The following LAMTOR5 variants were observed in gnomAD, a reference collection of about 807,000 sequenced individuals.
The protein encoded by LAMTOR5 is late endosomal/lysosomal adaptor, MAPK and MTOR activator 5.
In LAMTOR5, 8 loss-of-function variants were observed where a neutral mutation model predicts 12.1. The ratio of observed to expected loss-of-function variants is 0.66; its 90% CI spans 0.39 to 1.19. LAMTOR5 has a LOEUF of 1.19. LAMTOR5 is among the 50% of genes most tolerant of loss of function. The pLI is 0.01. For synonymous variants in LAMTOR5, 37 were observed against 41.9 expected, an observed-to-expected ratio of 0.88 and a Z score of 0.45; for missense variants, 110 against 112.8, an observed-to-expected ratio of 0.97 and a Z score of 0.11.
rs762857071 is a variant in LAMTOR5 at position 110,404,013 on chromosome 1, G to A, written c.121C>T (p.His41Tyr). The stretch of plus-strand genomic sequence containing the variant: ...GCTAGAACAGATATCACTCCAGCAT[G>A]CTCATCTGACAGGGTCCCGCGGCCT... ...LGCRGTLSDE[H>Y]AGVISVLAQQ... The change falls in exon 3 of 4, where the codon CAT becomes TAT. Residue 41 changes from histidine (H) to tyrosine (Y), a missense_variant. Physicochemically the swap from His to Tyr is moderately conservative, Grantham distance 83 (BLOSUM62 2). Coordinates refer to ENST00000602318, the MANE Select transcript of LAMTOR5 (RefSeq NM_001382293.1). The A allele has an allele frequency of 1.2e-6, 2 of 1,614,116 alleles. No homozygotes were observed. The highest frequency in any genetic ancestry group is 1.7e-6 in the Non-Finnish European group (2 of 1,180,010).
At chr1:110,401,936 G>GC (rs1663238667) in intron 3 of LAMTOR5, among the ~76,000 whole-genome samples, 1 of 152,242 alleles carries the variant, frequency 6.6e-6, no homozygotes, top group South Asian at 2.1e-4. Flanking sequence ...CAAAAAAAAG[G>GC]CTTTACTGGT....
At chr1:110,403,096 T>C (rs1663259935) in intron 3 of LAMTOR5, among the ~76,000 whole-genome samples, 1 of 152,262 alleles carries the variant, frequency 6.6e-6, no homozygotes. Flanking sequence ...AGGTGTGTAA[T>C]AGGGTGTACC....
At chr1:110,404,769 C>T (rs1332643298) in intron 2 of LAMTOR5, among the ~76,000 whole-genome samples, 1 of 152,116 alleles carries the variant, frequency 6.6e-6, no homozygotes, top group African/African-American at 2.4e-5. Context: ...CGTGATTAGG[C>T]CGGGTGTAGT....
At chr1:110,405,490 T>C (rs1269377007) in intron 2 of LAMTOR5, among the ~76,000 whole-genome samples, 2 of 151,986 alleles carry the variant, frequency 1.3e-5, no homozygotes, top group African/African-American at 2.4e-5. Context: ...TAAAAACATA[T>C]ATATATGTTT....
intron 2 of LAMTOR5, among the ~76,000 whole-genome samples, chr1:110,404,322 A>T (rs1445882270): frequency 1.3e-5 from 2 of 152,262 alleles, no homozygotes; most frequent in African/African-American, 4.8e-5. Flanking sequence ...ACTATGGCAG[A>T]GCATTTGGAT....
intron 3 of LAMTOR5, chr1:110,403,565 G>C (rs1235026331): frequency 5.7e-6 from 1 of 175,650 alleles, no homozygotes; most frequent in African/African-American, 2.4e-5. Flanking sequence ...AGTGACCCAT[G>C]ATCACACCAC....
chr1:110,407,673 C>A lies in LAMTOR5; in HGVS notation c.-53G>T, dbSNP rs147214807. The A allele has an allele frequency of 7.0e-3, 11,334 of 1,614,234 alleles. 62 individuals are homozygous for A. Among genetic ancestry groups the A allele is most frequent in the Non-Finnish European group, 7.5e-3 (8,888 of 1,180,040 alleles). On this transcript the variant is annotated 5_prime_UTR_variant, in exon 1 of 4. Transcript: ENST00000602318. ...ACCCAGCGGCACGGCACGTCCTTCT[C>A]CACCACAGGCCTCAGTCACTTGACG...
chr1:110,407,845 G>T (rs1272065480), upstream of LAMTOR5: 2 of 1,613,810 alleles, frequency 1.2e-6, no homozygotes, highest in Non-Finnish European at 8.5e-7. Flanking sequence ...TGACCGTCGA[G>T]GTGACCTGCA....
intron 2 of LAMTOR5, among the ~76,000 whole-genome samples, chr1:110,405,155 CTCAG>C (rs1663303278): frequency 6.8e-6 from 1 of 147,864 alleles, no homozygotes; most frequent in Non-Finnish European, 1.5e-5. Flanking sequence ...ACCTCTGTGT[CTCAG>C]TTTCTTTTTT....
chr1:110,401,469 A>G lies in LAMTOR5; in HGVS notation c.*54T>C. 6.4e-7 allele frequency: 1 copy of G among 1,560,698 alleles called. No homozygotes were observed. The highest frequency in any genetic ancestry group is 8.8e-7 in the Non-Finnish European group (1 of 1,137,888). On this transcript the variant is annotated 3_prime_UTR_variant, in exon 4 of 4. Transcript: ENST00000602318. Reference sequence around the variant, plus strand: ...ACTTTAGTAGTTCTATAAGGTAATTAACATAGGTAGGATCCAGTTCCTATG... The same window carrying G: ...ACTTTAGTAGTTCTATAAGGTAATTGACATAGGTAGGATCCAGTTCCTATG...
chr1:110,407,151 G>C, intron 1 of LAMTOR5: 4 of 616,508 alleles, frequency 6.5e-6, no homozygotes, highest in Non-Finnish European at 1.2e-5. Context: ...AAAATTTAAA[G>C]AATGATTTTT....
chr1:110,401,803 T>C (rs894597028), intron 3 of LAMTOR5, among the ~76,000 whole-genome samples: 1 of 152,168 alleles, frequency 6.6e-6, no homozygotes, highest in Non-Finnish European at 1.5e-5. Flanking sequence ...AGACAACCAC[T>C]GTTAATATTT....
Position 110,401,481 on chromosome 1 carries a change from A to G in LAMTOR5, c.*42T>C, listed in dbSNP as rs774692305. On this transcript the variant is annotated 3_prime_UTR_variant, in exon 4 of 4. Transcript: ENST00000602318. ...CTATAAGGTAATTAACATAGGTAGG[A>G]TCCAGTTCCTATGACAGGCTGCTGA... 1 of 1,585,420 alleles carries G rather than the reference A, an allele frequency of 6.3e-7. No individual in the cohort carries two copies. The highest frequency in any genetic ancestry group is 8.6e-7 in the Non-Finnish European group (1 of 1,156,788).
chr1:110,406,871 A>G, intron 1 of LAMTOR5: 1 of 438,648 alleles, frequency 2.3e-6, no homozygotes, highest in Non-Finnish European at 4.0e-6. Flanking sequence ...ATTGAAATAA[A>G]CCAGTTTCTC....
At chr1:110,407,155 G>T (rs769944040) in intron 1 of LAMTOR5, 7 of 615,138 alleles carry the variant, frequency 1.1e-5, no homozygotes, top group Non-Finnish European at 1.2e-5. Flanking sequence ...TTTAAAGAAT[G>T]ATTTTTATCT....
chr1:110,407,397 G>C (rs1238494649), intron 1 of LAMTOR5, 189 bp downstream of exon 1: 3 of 731,152 alleles, frequency 4.1e-6, no homozygotes, highest in African/African-American at 3.6e-5. Flanking sequence ...TGCCCGGCAG[G>C]ATTTTAATTC....
intron 2 of LAMTOR5, among the ~76,000 whole-genome samples, 178 bp from the exon 3 acceptor site, chr1:110,404,214 G>A (rs576615508): frequency 2.6e-5 from 4 of 152,192 alleles, no homozygotes; most frequent in South Asian, 4.1e-4. Context: ...TTCTAGGTAC[G>A]AAAATTAATT....
In LAMTOR5 at chr1:110,402,019, C is replaced by T. The variant is rs569483703; in HGVS notation, c.216-436G>A. ...ATGCTTCAGTCAACAGTGGACCCTA[C>T]ATATGATGGTGGTCCCGTAAGATTA... On this transcript the variant is annotated intron_variant, in intron 3 of 3. Transcript: ENST00000602318. Among the ~76,000 whole-genome samples, 6 of 152,336 alleles carry T rather than the reference C, an allele frequency of 3.9e-5. No homozygotes were observed. In the East Asian group the frequency reaches 9.6e-4, roughly 24 times the overall value.
chr1:110,407,294 C>G, intron 1 of LAMTOR5: 1 of 586,050 alleles, frequency 1.7e-6, no homozygotes, highest in Non-Finnish European at 3.0e-6. Context: ...TTCCGCAGAA[C>G]CACCCTGACC....
Sources: gnomAD v4.1 joint callset for allele counts (sites outside exome capture counted in the v4.1 genomes callset) on GRCh38, gnomAD v4.1.1 for gene constraint, MANE v1.5 for transcripts, NCBI Gene and HGNC (gene_info 2026-07-23, HGNC 2026-07-21) for gene names.